Variants in ANKRD55 observed in about 807,000 individuals in gnomAD.
ANKRD55 encodes ankyrin repeat domain-containing protein 55.
Under a neutral mutation model 60.6 loss-of-function variants are expected in ANKRD55, and 41 were observed. That is an observed-to-expected ratio of 0.68 (90% CI 0.53 to 0.88). The LOEUF is 0.88. Among genes scored for constraint, ANKRD55 ranks in the 40% least tolerant of loss-of-function variants. The probability of loss-of-function intolerance (pLI) is 0.00; values close to 1 mark genes in which losing one functional copy is unlikely to be tolerated. For missense variants in ANKRD55, 732 were observed against 767.6 expected (o/e 0.95, Z 0.55); for synonymous variants, 264 against 290.3 (o/e 0.91, Z 0.92).
intron 2 of ANKRD55, among the ~76,000 whole-genome samples, chr5:56,213,052 A>G (rs1010045329): frequency 3.2e-4 from 49 of 152,328 alleles, no homozygotes; most frequent in Middle Eastern, 3.4e-3. Flanking sequence ...CCTTCTGGAT[A>G]AAAACTTTAT....
chr5:56,208,940 A>T (rs62362397), intron 2 of ANKRD55, among the ~76,000 whole-genome samples: 15,735 of 150,138 alleles, frequency 0.1, 1,095 homozygotes, highest in South Asian at 0.16. Flanking sequence ...ATGACTGTAT[A>T]GTTTTGTTTT....
rs776369655 is a variant in ANKRD55 at position 56,232,859 on chromosome 5, T to C, written c.55A>G (p.Arg19Gly). Residue 19 changes from arginine to glycine, a missense_variant, in exon 2 of 12, where the codon AGA (arginine) becomes GGA (glycine). This residue lies in a region of ANKRD55 where 131 missense variants were observed against 142.7 expected (regional missense o/e 0.92). Transcript: ENST00000341048. ...FSTPSVFDQQ[R>G]GDSSEEVDLT... ...ATGTGTTAAAGCAGCATTTTACCTCTTTGCTGATCAAACACAGAAGGGGTG... is the reference window on the plus strand; with the variant it reads ...ATGTGTTAAAGCAGCATTTTACCTCCTTGCTGATCAAACACAGAAGGGGTG... 6.2e-7 allele frequency: 1 copy of C among 1,614,050 alleles called. No homozygotes were observed. The highest frequency in any genetic ancestry group is 1.7e-5 in the Admixed American group (1 of 60,012).
Position 56,111,394 on chromosome 5 carries a change from T to C in ANKRD55, c.1354A>G (p.Arg452Gly). 6.2e-7 allele frequency: 1 copy of C among 1,614,166 alleles called. No homozygotes were observed. The highest frequency in any genetic ancestry group is 8.5e-7 in the Non-Finnish European group (1 of 1,180,038). The change falls in exon 10 of 12, where the codon AGG becomes GGG. Residue 452 changes from arginine (R) to glycine (G), a missense_variant. Physicochemically the swap from Arg to Gly is moderately radical, Grantham distance 125 (BLOSUM62 -2). Transcript: ENST00000341048. ...CTCAGGCCTGCATGGGAAGTGGCCC[T>C]ATGGGAGGCTGTTAGGAAGTTATTG... ...LGNNFLTASHRATSHAGLSSA... is the reference protein window; with the variant it reads ...LGNNFLTASHGATSHAGLSSA...
At chr5:56,108,311 G>A (rs1756556726) in intron 10 of ANKRD55, 1 of 152,200 alleles carries the variant, frequency 6.6e-6, no homozygotes, top group African/African-American at 2.4e-5. Context: ...AAGATTTTCA[G>A]ATTTTCACAT....
chr5:56,150,812 T>C (rs957955413), intron 6 of ANKRD55, among the ~76,000 whole-genome samples: 5 of 152,052 alleles, frequency 3.3e-5, no homozygotes, highest in African/African-American at 1.2e-4. Context: ...GGCAGGAGAA[T>C]CACTTGAACC....
intron 10 of ANKRD55, among the ~76,000 whole-genome samples, chr5:56,107,336 A>G (rs923264900): frequency 6.6e-6 from 1 of 152,202 alleles, no homozygotes; most frequent in African/African-American, 2.4e-5. Context: ...GGCAGATTCC[A>G]TTGGAGAAAT....
At chr5:56,185,668 CAA>C (rs1433205242) in intron 2 of ANKRD55, among the ~76,000 whole-genome samples, 8 of 119,948 alleles carry the variant, frequency 6.7e-5, no homozygotes, top group Admixed American at 8.4e-5. Flanking sequence ...AACTCCATCT[CAA>C]AAAAAAAAAA....
At chr5:56,148,612 A>C (rs185063416) in intron 6 of ANKRD55, among the ~76,000 whole-genome samples, 1 of 151,638 alleles carries the variant, frequency 6.6e-6, no homozygotes, top group East Asian at 1.9e-4. Flanking sequence ...TGCCACCACA[A>C]TTTCAGTTAA....
Position 56,160,396 on chromosome 5 carries a change from G to A in ANKRD55, c.423-503C>T, listed in dbSNP as rs977148785. On this transcript the variant is annotated intron_variant, in intron 5 of 11. Coordinates refer to ENST00000341048, the MANE Select transcript of ANKRD55 (RefSeq NM_024669.3). ...TGGGACTACAGGCGCCCCGCACCACGCCCTGCTAATTTTTTCTATTTTTTA... is the reference window on the plus strand; with the variant it reads ...TGGGACTACAGGCGCCCCGCACCACACCCTGCTAATTTTTTCTATTTTTTA... Among the ~76,000 whole-genome samples the A allele has an allele frequency of 7.2e-5, 11 of 152,174 alleles. No individual in the cohort carries two copies. In the East Asian group the frequency reaches 1.7e-3, roughly 24 times the overall value.
chr5:56,166,482 T>C (rs547019110), intron 5 of ANKRD55, among the ~76,000 whole-genome samples: 1 of 151,962 alleles, frequency 6.6e-6, no homozygotes, highest in South Asian at 2.1e-4. Context: ...AAGCTGGTCT[T>C]GAACTCCTGG....
At chr5:56,189,795 A>G (rs1388132238) in intron 2 of ANKRD55, among the ~76,000 whole-genome samples, 1 of 152,130 alleles carries the variant, frequency 6.6e-6, no homozygotes, top group Non-Finnish European at 1.5e-5. Flanking sequence ...TGGGTCTACA[A>G]ATCTTTTTGC....
chr5:56,124,781 TA>T (rs1426500151), intron 8 of ANKRD55, among the ~76,000 whole-genome samples: 19 of 152,162 alleles, frequency 1.2e-4, no homozygotes, highest in African/African-American at 4.6e-4. Context: ...GCTGGGATTA[TA>T]GATGTGAGCC....
At chr5:56,150,695 C>A (rs1026745201) in intron 6 of ANKRD55, among the ~76,000 whole-genome samples, 3 of 151,986 alleles carry the variant, frequency 2.0e-5, no homozygotes, top group Non-Finnish European at 4.4e-5. Flanking sequence ...GTCAGGAGTT[C>A]GAGACCAGCC....
chr5:56,101,572 C>A (rs934504263), intron 11 of ANKRD55, among the ~76,000 whole-genome samples: 9 of 152,188 alleles, frequency 5.9e-5, no homozygotes, highest in African/African-American at 9.6e-5. Flanking sequence ...TATTATTATG[C>A]TTCAGAGTAT....
At position 56,126,905 on chromosome 5, in the gene ANKRD55, C is replaced by T; in HGVS notation, c.797+17G>A. ...GAAATGACTAGTTTCCCAGCACTTT[C>T]TGGTTACCATGGATACCTGTCATCC... On this transcript the variant is annotated intron_variant, in intron 8 of 11. Transcript: ENST00000341048. The T allele has an allele frequency of 6.3e-7, 1 of 1,584,216 alleles. No homozygotes were observed. The highest frequency in any genetic ancestry group is 8.6e-7 in the Non-Finnish European group (1 of 1,163,644).
In ANKRD55 at chr5:56,166,086, T is replaced by TTCTTCTTTC. The variant is rs1554040773; in HGVS notation, c.422+4607_422+4608insGAAAGAAGA. On this transcript the variant is annotated intron_variant, in intron 5 of 11. Coordinates refer to ENST00000341048, the MANE Select transcript of ANKRD55 (RefSeq NM_024669.3). ...CACCCTTCAGGGATCTTTCTTTTCT[T>TTCTTCTTTC]TTTCTTTCTTTCTTTCTTTCTTTCT... 1.6e-3 allele frequency among the ~76,000 whole-genome samples: 144 copies of TTCTTCTTTC among 91,844 alleles called. 1 individual carries two copies. The highest frequency in any genetic ancestry group is 4.8e-3 in the African/African-American group (133 of 27,882). 60.3% of individuals were successfully genotyped at this position (91,844 alleles called of 152,430 possible).
chr5:56,166,837 G>A (rs965283149), intron 5 of ANKRD55, among the ~76,000 whole-genome samples: 3 of 152,170 alleles, frequency 2.0e-5, no homozygotes, highest in Non-Finnish European at 2.9e-5. Context: ...AATATTTCTT[G>A]TGGTTTCTCA....
intron 2 of ANKRD55, among the ~76,000 whole-genome samples, chr5:56,210,360 G>T (rs1342347525): frequency 6.6e-6 from 1 of 151,886 alleles, no homozygotes; most frequent in Non-Finnish European, 1.5e-5. Flanking sequence ...GGATCACGAG[G>T]TCAGGAGACT....
rs183420284 is a variant in ANKRD55 at position 56,186,189 on chromosome 5, A to G, written c.59-2555T>C. Among the ~76,000 whole-genome samples the G allele has an allele frequency of 4.1e-4, 63 of 152,006 alleles. 2 individuals are homozygous for G. In the Middle Eastern group the frequency reaches 0.02, roughly 49 times the overall value. Reference sequence around the variant, plus strand: ...TTGTTTGTTTGTTTGTTTATTTGAGACAGGGTCTCGTTGGGTCACCCATGC... The same window carrying G: ...TTGTTTGTTTGTTTGTTTATTTGAGGCAGGGTCTCGTTGGGTCACCCATGC... On this transcript the variant is annotated intron_variant, in intron 2 of 11. Transcript: ENST00000341048.
Sources: gnomAD v4.1 joint callset for allele counts (sites outside exome capture counted in the v4.1 genomes callset) on GRCh38, gnomAD v4.1.1 for gene constraint, gnomAD v4.1.1 regional missense constraint, MANE v1.5 for transcripts, NCBI Gene and HGNC (gene_info 2026-07-23, HGNC 2026-07-21) for gene names.